Variants in AMMECR1 observed in about 807,000 individuals in gnomAD.
AMMECR1 encodes nuclear protein AMMECR1.
Under a neutral mutation model 22.5 loss-of-function variants are expected in AMMECR1, and 3 were observed. The observed-to-expected ratio is 0.13, with a 90% CI of 0.06 to 0.35. AMMECR1 has a LOEUF of 0.35. AMMECR1 is among the 10% of genes least tolerant of loss of function. The pLI is 1.00. For missense variants in AMMECR1, 235 were observed against 278.7 expected (o/e 0.84, Z 1.12); for synonymous variants, 130 against 116.7 (o/e 1.11, Z -0.74).
chrX:110,224,735 C>T (rs1047340115), intron 2 of AMMECR1, among the ~76,000 whole-genome samples: 4 of 110,738 alleles, frequency 3.6e-5, no homozygotes, highest in African/African-American at 1.3e-4. Context: ...AATAAAGTTC[C>T]CTAAATCATG....
intron 2 of AMMECR1, among the ~76,000 whole-genome samples, chrX:110,422,635 G>A (rs968787334): frequency 1.8e-5 from 2 of 112,479 alleles, no homozygotes; most frequent in Non-Finnish European, 3.7e-5. Flanking sequence ...CCTCGCAGCA[G>A]CTACCATGCC....
Position 110,386,223 on chromosome X carries a change from C to T in AMMECR1, c.-148+40435G>A, listed in dbSNP as rs182167276. ...AACCACCAAACTATTTTCCAAAGAGCCTGCACTATTTAAAATTCCCTCCAG... is the reference window on the plus strand; with the variant it reads ...AACCACCAAACTATTTTCCAAAGAGTCTGCACTATTTAAAATTCCCTCCAG... On this transcript the variant is annotated intron_variant, in intron 2 of 7. Transcript: ENST00000372057. Among the ~76,000 whole-genome samples the T allele has an allele frequency of 1.7e-3, 185 of 110,993 alleles. 4 individuals carry two copies. The East Asian group carries it at 0.044, about 26-fold the overall frequency.
chrX:110,211,786 A>G (rs2067448967), intron 3 of AMMECR1, among the ~76,000 whole-genome samples: 2 of 111,755 alleles, frequency 1.8e-5, no homozygotes, highest in African/African-American at 6.5e-5. Context: ...TACTAGGACA[A>G]TAAGTACATC....
intron 2 of AMMECR1, among the ~76,000 whole-genome samples, chrX:110,240,406 G>C (rs983716636): frequency 2.2e-5 from 2 of 91,996 alleles, no homozygotes; most frequent in Admixed American, 2.3e-4. Context: ...ACAAAAACGG[G>C]GGGGGGAGGG....
intron 2 of AMMECR1, among the ~76,000 whole-genome samples, chrX:110,341,587 G>A (rs1452690646): frequency 8.9e-6 from 1 of 112,116 alleles, no homozygotes; most frequent in Non-Finnish European, 1.9e-5. Context: ...GGGTAACCAC[G>A]CAGTCTAAAC....
chrX:110,363,213 TTCTCTTTA>T (rs2068275926), intron 2 of AMMECR1, among the ~76,000 whole-genome samples: 1 of 111,856 alleles, frequency 8.9e-6, no homozygotes, highest in Non-Finnish European at 1.9e-5. Flanking sequence ...CTAAGGAATT[TTCTCTTTA>T]CAAACAGGTG....
At chrX:110,291,795 G>A (rs2067910443) in intron 1 of AMMECR1, among the ~76,000 whole-genome samples, 1 of 111,664 alleles carries the variant, frequency 9.0e-6, no homozygotes, top group African/African-American at 3.3e-5. Context: ...TGTGCCTATG[G>A]GACTACATCC....
Position 110,207,217 on chromosome X carries a change from G to A in AMMECR1, c.700-4681C>T, listed in dbSNP as rs188885043. On this transcript the variant is annotated intron_variant, in intron 3 of 5. Coordinates refer to ENST00000262844, the MANE Select transcript of AMMECR1 (RefSeq NM_015365.3). ...CCATGGGTCTGACCCAGAGTCTGGT[G>A]TTTCTGACATTCTTAGGAGGAAAAA... Among the ~76,000 whole-genome samples, 6 of 111,299 alleles carry A rather than the reference G, an allele frequency of 5.4e-5. No individual in the cohort carries two copies. In the East Asian group the frequency reaches 1.7e-3, roughly 32 times the overall value.
intron 2 of AMMECR1, among the ~76,000 whole-genome samples, chrX:110,411,750 T>G (rs1437505128): frequency 1.8e-5 from 2 of 112,352 alleles, no homozygotes; most frequent in Admixed American, 1.9e-4. Context: ...GTGTAAGAAG[T>G]GCATTATTTT....
chrX:110,423,672 G>A (rs1435276976), intron 2 of AMMECR1, among the ~76,000 whole-genome samples: 1 of 112,358 alleles, frequency 8.9e-6, no homozygotes, highest in Non-Finnish European at 1.9e-5. Context: ...TATGTGTCAG[G>A]CCCTGTACTT....
chrX:110,302,183 G>T (rs1321255576), intron 1 of AMMECR1, among the ~76,000 whole-genome samples: 1 of 111,599 alleles, frequency 9.0e-6, no homozygotes, highest in African/African-American at 3.3e-5. Context: ...GTAAAGCACA[G>T]GAGGAAGGGG....
chrX:110,398,904 G>A (rs2068545655), intron 2 of AMMECR1, among the ~76,000 whole-genome samples: 1 of 112,129 alleles, frequency 8.9e-6, no homozygotes, highest in Non-Finnish European at 1.9e-5. Context: ...TTGGAATTCC[G>A]TGCTGAGAAT....
At chrX:110,417,202 C>T (rs916731495) in intron 2 of AMMECR1, among the ~76,000 whole-genome samples, 1 of 112,281 alleles carries the variant, frequency 8.9e-6, no homozygotes, top group Non-Finnish European at 1.9e-5. Flanking sequence ...CCTCATTCCC[C>T]AGAGCCAGGC....
chrX:110,295,922 A>G (rs2067933412), intron 1 of AMMECR1, among the ~76,000 whole-genome samples: 1 of 111,875 alleles, frequency 8.9e-6, no homozygotes, highest in African/African-American at 3.2e-5. Flanking sequence ...TTTTTTATGC[A>G]GCTGCTGTCT....
At chrX:110,264,414 T>A in intron 2 of AMMECR1, 75 bp downstream of exon 2, 3 of 557,517 alleles carry the variant, frequency 5.4e-6, no homozygotes, top group Non-Finnish European at 5.9e-6. Flanking sequence ...GTAAAAGGAG[T>A]TAAAGTATCA....
At chrX:110,255,805 AGT>A (rs1441460738) in intron 2 of AMMECR1, among the ~76,000 whole-genome samples, 1 of 112,394 alleles carries the variant, frequency 8.9e-6, no homozygotes, top group African/African-American at 3.2e-5. Context: ...ATAAGTCTAT[AGT>A]TTCCATATGT....
At chrX:110,292,767 G>A (rs1007432160) in intron 1 of AMMECR1, among the ~76,000 whole-genome samples, 1 of 111,787 alleles carries the variant, frequency 8.9e-6, no homozygotes, top group Non-Finnish European at 1.9e-5. Flanking sequence ...CTATACTGGT[G>A]GGTACATATA....
At chrX:110,210,233 C>A (rs1486243456) in intron 3 of AMMECR1, among the ~76,000 whole-genome samples, 1 of 109,078 alleles carries the variant, frequency 9.2e-6, no homozygotes, top group African/African-American at 3.4e-5. Flanking sequence ...GCCTTCCTTT[C>A]CCAACACTCC....
At chrX:110,430,667 T>C (rs1452322858) in intron 1 of AMMECR1, among the ~76,000 whole-genome samples, 2 of 112,499 alleles carry the variant, frequency 1.8e-5, no homozygotes, top group African/African-American at 6.5e-5. Context: ...TGGCATGGTC[T>C]TGTGTTGTCA....
Sources: gnomAD v4.1 joint callset for allele counts (sites outside exome capture counted in the v4.1 genomes callset) on GRCh38, gnomAD v4.1.1 for gene constraint, MANE v1.5 for transcripts, NCBI Gene and HGNC (gene_info 2026-07-23, HGNC 2026-07-21) for gene names.